Variants in CIAO2B observed in about 807,000 individuals in gnomAD.
CIAO2B encodes cytosolic iron-sulfur assembly component 2B, also known as MSS19-interacting protein of 18 kDa.
CIAO2B carries 20 observed loss-of-function variants against 16.4 expected under a neutral mutation model. The ratio of observed to expected loss-of-function variants is 1.22; its 90% CI spans 0.86 to 1.77. CIAO2B has a LOEUF of 1.77. Among genes scored for constraint, CIAO2B ranks in the 40% most tolerant of loss-of-function variants. CIAO2B has a pLI of 0.00. For missense variants in CIAO2B, 215 were observed against 222.4 expected (o/e 0.97, Z 0.21); for synonymous variants, 106 against 90.4 (o/e 1.17, Z -0.98).
At chr16:66,932,727 A>C in intron 4 of CIAO2B, 53 bp downstream of exon 4, 2 of 1,574,470 alleles carry the variant, frequency 1.3e-6, no homozygotes, top group African/African-American at 1.4e-5. Context: ...GGGAAGCCTC[A>C]GACTGCTTAG....
intron 4 of CIAO2B, 178 bp downstream of exon 4, chr16:66,932,602 G>A: frequency 1.3e-6 from 1 of 773,882 alleles, no homozygotes; most frequent in Non-Finnish European, 2.3e-6. Context: ...GTAAGCAAAG[G>A]AGAGTCTTCT....
Position 66,934,301 on chromosome 16 carries a change from G to A in CIAO2B, c.64C>T (p.Arg22Cys). ...GCCGTCACAGGCCGCTCCCCAGAGCGCTGGTAGATGAGGGGGTTGGCATTC... is the reference window on the plus strand; with the variant it reads ...GCCGTCACAGGCCGCTCCCCAGAGCACTGGTAGATGAGGGGGTTGGCATTC... Reference protein sequence around the residue: ...LENANPLIYQRSGERPVTAGE... With the variant: ...LENANPLIYQCSGERPVTAGE... Residue 22 changes from arginine to cysteine, a missense_variant, in exon 1 of 5, where the codon CGC (arginine) becomes TGC (cysteine). Transcript: ENST00000422424. This position sits in a 1 kb window ranked among gnomAD's most constrained non-coding sequence, Gnocchi z 4.1. 1 of 1,606,634 alleles carries A rather than the reference G, an allele frequency of 6.2e-7. No individual in the cohort carries two copies. The highest frequency in any genetic ancestry group is 1.1e-5 in the South Asian group (1 of 90,760).
chr16:66,934,049 T>A lies in CIAO2B; in HGVS notation c.160A>T (p.Asn54Tyr), dbSNP rs1434648533. 1 of 1,613,712 alleles carries A rather than the reference T, an allele frequency of 6.2e-7. No individual in the cohort carries two copies. The highest frequency in any genetic ancestry group is 8.5e-7 in the Non-Finnish European group (1 of 1,179,854). Residue 54 changes from asparagine (N) to tyrosine (Y), a missense_variant, in exon 2 of 5, where the codon AAT (asparagine) becomes TAT (tyrosine). Transcript: ENST00000422424. This position sits in a 1 kb window ranked among gnomAD's most constrained non-coding sequence, Gnocchi z 4.1. ...AGCGTCAGTGGATGCTCCGGGTCAT[T>A]GATGGAGCGAATCAGATGTGGGAAG... Reference protein sequence around the residue: ...REIFDLIRSINDPEHPLTLEE... With the variant: ...REIFDLIRSIYDPEHPLTLEE...
At chr16:66,933,898 T>C in intron 2 of CIAO2B, 89 bp downstream of exon 2, 13 of 1,570,316 alleles carry the variant, frequency 8.3e-6, no homozygotes, top group Non-Finnish European at 1.1e-5. Context: ...TACCCTTCGG[T>C]GTTCGTGAGC....
At chr16:66,932,348 TG>T (rs752266326) in intron 4 of CIAO2B, 48 bp from the exon 5 acceptor site, 15 of 1,502,320 alleles carry the variant, frequency 1.0e-5, no homozygotes, top group Non-Finnish European at 1.2e-5. Context: ...AGCTAGGCTC[TG>T]GCCAGAGTGC....
rs79251147 is a variant in CIAO2B at position 66,932,180 on chromosome 16, G to T, written c.*23C>A. ...GCTGGGACCAGGATACCAGTATGCA[G>T]GCTGAGGGGTCAAAGGCCAGGCTCA... On this transcript the variant is annotated 3_prime_UTR_variant, in exon 5 of 5. Coordinates refer to ENST00000422424, the MANE Select transcript of CIAO2B (RefSeq NM_016062.4). The T allele has an allele frequency of 9.2e-4, 1,459 of 1,594,136 alleles. 13 individuals carry two copies. The African/African-American group carries it at 0.018, about 19-fold the overall frequency.
chr16:66,933,612 A>G lies in CIAO2B; in HGVS notation c.348+2T>C. On this transcript the variant is annotated splice_donor_variant, in intron 3 of 4. Coordinates refer to ENST00000422424, the MANE Select transcript of CIAO2B (RefSeq NM_016062.4). LOFTEE classifies it high-confidence loss of function. ...CACTCCCGGGGCTCAGCTCCAACTG[A>G]CCTTGAAACGCTGAGGAAGGGAGCG... is the stretch of plus-strand genomic sequence containing the variant. 1 of 1,609,570 alleles carries G rather than the reference A, an allele frequency of 6.2e-7. No individual in the cohort carries two copies. The highest frequency in any genetic ancestry group is 1.1e-5 in the South Asian group (1 of 90,068).
At position 66,933,580 on chromosome 16, in the gene CIAO2B, C is replaced by T. The variant is rs756280931; in HGVS notation, c.348+34G>A. The T allele has an allele frequency of 2.5e-6, 4 of 1,603,680 alleles. No individual in the cohort carries two copies. The East Asian group carries it at 9.0e-5, about 36-fold the overall frequency. ...ATCCTCAGCAGTAGACCCTCAATGC[C>T]TGGTCTCACTCCCGGGGCTCAGCTC... On this transcript the variant is annotated intron_variant, in intron 3 of 4. Coordinates refer to ENST00000422424, the MANE Select transcript of CIAO2B (RefSeq NM_016062.4).
rs1339371081 is a variant in CIAO2B at position 66,933,672 on chromosome 16, G to T, written c.290C>A (p.Thr97Asn). The change falls in exon 3 of 5, where the codon ACC (threonine) becomes AAC (asparagine). Residue 97 changes from threonine (T) to asparagine (N), a missense_variant. Coordinates refer to ENST00000422424, the MANE Select transcript of CIAO2B (RefSeq NM_016062.4). Reference sequence around the variant, plus strand: ...GACCTTGATGGACAGACCAATAAGGGTGGCCATGCTGCAGTGCGGAATGGT... The same window carrying T: ...GACCTTGATGGACAGACCAATAAGGTTGGCCATGCTGCAGTGCGGAATGGT... Reference protein sequence around the residue: ...TPTIPHCSMATLIGLSIKVKL... With the variant: ...TPTIPHCSMANLIGLSIKVKL... 6 of 1,604,500 alleles carry T rather than the reference G, an allele frequency of 3.7e-6. No homozygotes were observed. Among genetic ancestry groups the T allele is most frequent in the Non-Finnish European group, 5.1e-6 (6 of 1,175,538 alleles).
In CIAO2B at chr16:66,933,770, A is replaced by T. The variant is rs183894627; in HGVS notation, c.223-31T>A. Reference sequence around the variant, plus strand: ...TGTGGAGGAGAGATGTCAAGAGTCAACCACCCTCAGCCCAAGGTCCCTCTT... The same window carrying T: ...TGTGGAGGAGAGATGTCAAGAGTCATCCACCCTCAGCCCAAGGTCCCTCTT... On this transcript the variant is annotated intron_variant, in intron 2 of 4. Coordinates refer to ENST00000422424, the MANE Select transcript of CIAO2B (RefSeq NM_016062.4). 11 of 1,551,194 alleles carry T rather than the reference A, an allele frequency of 7.1e-6. No individual in the cohort carries two copies. The Admixed American group carries it at 2.0e-4, about 28-fold the overall frequency.
In CIAO2B at chr16:66,932,137, G is replaced by C; in HGVS notation, c.*66C>G. On this transcript the variant is annotated 3_prime_UTR_variant, in exon 5 of 5. Coordinates refer to ENST00000422424, the MANE Select transcript of CIAO2B (RefSeq NM_016062.4). Reference sequence around the variant, plus strand: ...TTGTGAGTGATTCAAGAAAACAACGGTAACAGCCCTGGCAGGAGCTGGGAC... The same window carrying C: ...TTGTGAGTGATTCAAGAAAACAACGCTAACAGCCCTGGCAGGAGCTGGGAC... 1.6e-6 allele frequency: 2 copies of C among 1,251,584 alleles called. No homozygotes were observed. The highest frequency in any genetic ancestry group is 2.8e-5 in the South Asian group (2 of 72,442). The allele number at this position is 1,251,584 out of a possible 1,614,324, so 77.5% of individuals were successfully genotyped here.
At chr16:66,932,601 GGA>G (rs1368560435) in intron 4 of CIAO2B, 177 bp downstream of exon 4, 5 of 773,170 alleles carry the variant, frequency 6.5e-6, no homozygotes, top group Non-Finnish European at 1.1e-5. Context: ...GGTAAGCAAA[GGA>G]GAGTCTTCTC....
intron 2 of CIAO2B, 76 bp downstream of exon 2, chr16:66,933,911 A>T (rs990035269): frequency 6.3e-7 from 1 of 1,585,612 alleles, no homozygotes; most frequent in Non-Finnish European, 8.6e-7. Context: ...TCGTGAGCAT[A>T]GAGCACGCCA....
chr16:66,933,003 T>C (rs146928755), intron 3 of CIAO2B, among the ~76,000 whole-genome samples, 178 bp from the exon 4 acceptor site: 8 of 152,050 alleles, frequency 5.3e-5, no homozygotes, highest in South Asian at 2.1e-4. Context: ...TTTTTTTTTT[T>C]CCAAGACTGA....
chr16:66,932,230 C>T lies in CIAO2B; in HGVS notation c.465G>A (p.Val155=), dbSNP rs779757807. 6.2e-7 allele frequency: 1 copy of T among 1,613,830 alleles called. No homozygotes were observed. Among genetic ancestry groups the T allele is most frequent in the South Asian group, 1.1e-5 (1 of 91,034 alleles). The change falls in exon 5 of 5, where the codon GTG becomes GTA. Residue 155 remains valine, a synonymous_variant. Coordinates refer to ENST00000422424, the MANE Select transcript of CIAO2B (RefSeq NM_016062.4). ...ALENTHLLEV[V]NQCLSARS ...AGGAGCGGGCTGACAGGCACTGATT[C>T]ACAACCTCCAAGAGGTGGGTGTTCT...
Position 66,934,091 on chromosome 16 carries a change from C to T in CIAO2B, c.143-25G>A. ...TGTGGGAAGTGAAGGAAAAGGGACTCTGCGCCCTTGCCCACTTAGAACCCT... is the reference window on the plus strand; with the variant it reads ...TGTGGGAAGTGAAGGAAAAGGGACTTTGCGCCCTTGCCCACTTAGAACCCT... On this transcript the variant is annotated intron_variant, in intron 1 of 4. Transcript: ENST00000422424. The surrounding 1 kb of genome is among the most constrained non-coding windows in gnomAD (Gnocchi z 4.1). The T allele has an allele frequency of 1.2e-6, 2 of 1,613,092 alleles. No homozygotes were observed. Among genetic ancestry groups the T allele is most frequent in the South Asian group, 1.1e-5 (1 of 90,918 alleles).
chr16:66,934,232 C>T lies in CIAO2B; in HGVS notation c.133G>A (p.Glu45Lys). The change falls in exon 1 of 5, where the codon GAG (glutamate) becomes AAG (lysine). Residue 45 changes from glutamate (E) to lysine (K), a missense_variant. By Grantham distance (56) the Glu-to-Lys change is moderately conservative. Transcript: ENST00000422424. The surrounding 1 kb of genome is among the most constrained non-coding windows in gnomAD (Gnocchi z 4.1). ...CAGCAGCGGCGGATATCGAAGATCT[C>T]GCGTGCGTCGATGCTGTCGGGAACC... The part of the protein sequence containing the change: ...EQVPDSIDAR[E>K]IFDLIRSIND... The T allele has an allele frequency of 4.3e-6, 7 of 1,609,568 alleles. No individual in the cohort carries two copies. The highest frequency in any genetic ancestry group is 5.9e-6 in the Non-Finnish European group (7 of 1,179,048).
Position 66,934,359 on chromosome 16 carries a change from T to TACCATCGCGGAACC in CIAO2B, c.-9_5dup (p.Gly3ValfsTer5), listed in dbSNP as rs1180506113. The TACCATCGCGGAACC allele has an allele frequency of 6.4e-7, 1 of 1,557,774 alleles. No homozygotes were observed. The highest frequency in any genetic ancestry group is 1.4e-5 in the African/African-American group (1 of 73,794). On this transcript the variant is annotated frameshift_variant, in exon 1 of 5. Coordinates refer to ENST00000422424, the MANE Select transcript of CIAO2B (RefSeq NM_016062.4). LOFTEE classifies it high-confidence loss of function. The surrounding 1 kb of genome is among the most constrained non-coding windows in gnomAD (Gnocchi z 4.1). ...GGCCGCCGCCGACCCCGCCGCCGCCTACCATCGCGGAACCACCACCGCTGA... is the reference window on the plus strand; with the variant it reads ...GGCCGCCGCCGACCCCGCCGCCGCCTACCATCGCGGAACCACCATCGCGGAACCACCACCGCTGA...
intron 4 of CIAO2B, 170 bp downstream of exon 4, chr16:66,932,610 T>C: frequency 1.2e-6 from 1 of 815,424 alleles, no homozygotes; most frequent in Non-Finnish European, 2.1e-6. Context: ...AGGAGAGTCT[T>C]CTCAGGCCAG....
Sources: gnomAD v4.1 joint callset for allele counts (sites outside exome capture counted in the v4.1 genomes callset) on GRCh38, gnomAD v4.1.1 for gene constraint, Gnocchi (gnomAD v3.1) non-coding constraint, MANE v1.5 for transcripts, NCBI Gene and HGNC (gene_info 2026-07-23, HGNC 2026-07-21) for gene names.